TOP2B: variants seen among roughly 807,000 people sequenced by gnomAD.
TOP2B encodes DNA topoisomerase 2-beta.
A neutral mutation model predicts 193.5 loss-of-function variants in TOP2B; 51 were observed. The ratio of observed to expected loss-of-function variants is 0.26; its 90% CI spans 0.21 to 0.33. The LOEUF is 0.33. Ranked by LOEUF, TOP2B falls within the 10% of genes least tolerant of loss-of-function variation. The probability of loss-of-function intolerance (pLI) is 1.00; values close to 1 mark genes in which losing one functional copy is unlikely to be tolerated. For synonymous variants in TOP2B, 634 were observed against 635.7 expected (o/e 1.00, Z 0.04); for missense variants, 1,378 against 1,909.3 (o/e 0.72, Z 5.19).
At chr3:25,612,954 A>C (rs1702414824) in intron 27 of TOP2B, among the ~76,000 whole-genome samples, 1 of 152,192 alleles carries the variant, frequency 6.6e-6, no homozygotes, top group Admixed American at 6.5e-5. Flanking sequence ...ATAGTGACTA[A>C]ATGACCTGAG....
Position 25,607,365 on chromosome 3 carries a change from A to C in TOP2B, c.4104T>G (p.Pro1368=). Residue 1368 remains proline (P), a synonymous_variant, in exon 31 of 36, where the codon CCT becomes CCG. Coordinates refer to ENST00000264331, the MANE Select transcript of TOP2B (RefSeq NM_001330700.2). ...CTTCTGAGAAATCAAATGTGTATTT[A>C]GGTCTTTCGGCTAGGAGGAAAAATA... ...SLLRRAAAER[P]KYTFDFSEEE... is the part of the protein sequence containing the mutation. The C allele has an allele frequency of 6.4e-7, 1 of 1,550,834 alleles. No individual in the cohort carries two copies. Among genetic ancestry groups the C allele is most frequent in the Non-Finnish European group, 8.7e-7 (1 of 1,146,590 alleles).
chr3:25,624,277 T>G lies in TOP2B; in HGVS notation c.2495+20A>C. The G allele has an allele frequency of 6.2e-7, 1 of 1,613,050 alleles. No individual in the cohort carries two copies. The highest frequency in any genetic ancestry group is 8.5e-7 in the Non-Finnish European group (1 of 1,179,352). On this transcript the variant is annotated intron_variant, in intron 20 of 35. Coordinates refer to ENST00000264331, the MANE Select transcript of TOP2B (RefSeq NM_001330700.2). ...CCAAATCAAATCAAACTTTATACCA[T>G]TATATCAGCAAATATTTACCTTAAC...
At chr3:25,621,814 C>A (rs923482909) in intron 21 of TOP2B, among the ~76,000 whole-genome samples, 2 of 151,982 alleles carry the variant, frequency 1.3e-5, no homozygotes, top group African/African-American at 4.8e-5. Context: ...CACAGTGAAA[C>A]CCCGTCTCTA....
At position 25,635,877 on chromosome 3, in the gene TOP2B, C is replaced by A; in HGVS notation, c.852+59G>T. 5 of 1,437,680 alleles carry A rather than the reference C, an allele frequency of 3.5e-6. No homozygotes were observed. In the South Asian group the frequency reaches 6.3e-5, roughly 18 times the overall value. 89.1% of individuals were successfully genotyped at this position (1,437,680 alleles called of 1,614,324 possible). ...CAGATGAGCTTTAAAAAAGGAAGAC[C>A]CAACAATATTCTCTCTATAAAATAA... On this transcript the variant is annotated intron_variant, in intron 7 of 35. Transcript: ENST00000264331.
At chr3:25,645,991 G>C (rs899476915) in intron 1 of TOP2B, among the ~76,000 whole-genome samples, 1 of 148,980 alleles carries the variant, frequency 6.7e-6, no homozygotes, top group African/African-American at 2.5e-5. Context: ...GGCTGGTCTC[G>C]AACTTCTGAC....
In TOP2B at chr3:25,604,748, A is replaced by G. The variant is rs1205844979; in HGVS notation, c.4489+12T>C. On this transcript the variant is annotated intron_variant, in intron 33 of 35. Coordinates refer to ENST00000264331, the MANE Select transcript of TOP2B (RefSeq NM_001330700.2). ...TATCCAATGCTTAACTCAATCAAAT[A>G]TAAGTACATACCCTTTTTAGCAGCT... 1.9e-6 allele frequency: 3 copies of G among 1,580,444 alleles called. No homozygotes were observed. The highest frequency in any genetic ancestry group is 2.7e-5 in the African/African-American group (2 of 74,146).
intron 34 of TOP2B, among the ~76,000 whole-genome samples, chr3:25,600,279 T>C (rs569391381): frequency 1.3e-5 from 2 of 152,340 alleles, no homozygotes; most frequent in Admixed American, 6.5e-5. Flanking sequence ...TTTTATATCT[T>C]TAAAATCCCT....
In TOP2B at chr3:25,606,030, TA is replaced by T; in HGVS notation, c.4378+12del. ...ATAATACAATAACCAATGAAAAGAC[TA>T]AATGAACATACCATCTTCTGACTTC... On this transcript the variant is annotated intron_variant, in intron 32 of 35. Transcript: ENST00000264331. The T allele has an allele frequency of 7.1e-7, 1 of 1,416,042 alleles. No individual in the cohort carries two copies. 87.7% of individuals were successfully genotyped at this position (1,416,042 alleles called of 1,614,324 possible).
chr3:25,635,894 A>G, intron 7 of TOP2B, 42 bp downstream of exon 7: 1 of 1,541,152 alleles, frequency 6.5e-7, no homozygotes, highest in South Asian at 1.2e-5. Context: ...TATTCTCTCT[A>G]TAAAATAACA....
Position 25,607,218 on chromosome 3 carries a change from AT to A in TOP2B, c.4250del (p.Asp1417ValfsTer65). On this transcript the variant is annotated frameshift_variant, in exon 31 of 36. Coordinates refer to ENST00000264331, the MANE Select transcript of TOP2B (RefSeq NM_001330700.2). LOFTEE classifies it high-confidence loss of function. ...EDEFVPSDGLDKDEYTFSPGK... is the reference protein window; with the variant it reads ...EDEFVPSDGLXKDEYTFSPGK... ...CTGGTGAAAATGTATATTCATCTTT[AT>A]CTAACCCATCTGAAGGAACAAATTC... is the stretch of plus-strand genomic sequence containing the variant. The A allele has an allele frequency of 6.2e-7, 1 of 1,611,506 alleles. No homozygotes were observed. The highest frequency in any genetic ancestry group is 1.1e-5 in the South Asian group (1 of 90,658).
chr3:25,609,456 T>A, intron 29 of TOP2B, 112 bp from the exon 30 acceptor site: 3 of 1,464,558 alleles, frequency 2.0e-6, no homozygotes, highest in African/African-American at 1.4e-5. Flanking sequence ...TTTATGAAAA[T>A]TGAAGGCATT....
intron 1 of TOP2B, among the ~76,000 whole-genome samples, chr3:25,662,856 G>A (rs1294739341): frequency 6.6e-6 from 1 of 152,146 alleles, no homozygotes; most frequent in East Asian, 1.9e-4. Flanking sequence ...GGCTGTCTAA[G>A]TCAATTTTCC....
chr3:25,627,433 C>G, intron 15 of TOP2B, 137 bp from the exon 16 acceptor site: 1 of 470,632 alleles, frequency 2.1e-6, no homozygotes, highest in South Asian at 4.6e-5. Context: ...TCTTAATAAG[C>G]AACTAAAGAC....
Position 25,612,675 on chromosome 3 carries a change from G to A in TOP2B, c.3626C>T (p.Ala1209Val), listed in dbSNP as rs202045855. ...TTTAATTGCTTTTCCAGACATTCCA[G>A]CCAGAACATCTTCTCGTTCTTGAGA... ...VESQEREDVL[A>V]GMSGKAIKGK... Residue 1209 changes from alanine (A) to valine (V), a missense_variant, in exon 28 of 36, where the codon GCT becomes GTT. Transcript: ENST00000264331. 734 of 1,613,516 alleles carry A rather than the reference G, an allele frequency of 4.5e-4. 1 individual carries two copies. The highest frequency in any genetic ancestry group is 5.7e-4 in the Non-Finnish European group (674 of 1,179,642).
intron 33 of TOP2B, among the ~76,000 whole-genome samples, chr3:25,603,313 A>C (rs559894114): frequency 1.3e-5 from 2 of 152,224 alleles, no homozygotes; most frequent in East Asian, 3.9e-4. Flanking sequence ...ATCTCAGCTC[A>C]CTGCAACCTC....
intron 15 of TOP2B, 34 bp from the exon 16 acceptor site, chr3:25,627,330 A>G (rs755199061): frequency 1.5e-6 from 2 of 1,376,528 alleles, no homozygotes; most frequent in Non-Finnish European, 2.0e-6. Context: ...TGAGTCATGA[A>G]TATCAATGTC....
At chr3:25,648,376 G>A (rs1437472828) in intron 1 of TOP2B, among the ~76,000 whole-genome samples, 1 of 152,090 alleles carries the variant, frequency 6.6e-6, no homozygotes, top group Admixed American at 6.5e-5. Flanking sequence ...ACCCAAAGAG[G>A]ATGCATCCCC....
rs1381669519 is a variant in TOP2B at position 25,615,266 on chromosome 3, T to C, written c.3530A>G (p.Lys1177Arg). 2 of 1,612,586 alleles carry C rather than the reference T, an allele frequency of 1.2e-6. No individual in the cohort carries two copies. Among genetic ancestry groups the C allele is most frequent in the Non-Finnish European group, 1.7e-6 (2 of 1,179,076 alleles). The change falls in exon 27 of 36, where the codon AAA (lysine) becomes AGA (arginine). Residue 1177 changes from lysine to arginine, a missense_variant. Lys to Arg is a conservative substitution (Grantham distance 26). Transcript: ENST00000264331. ...DAKGREVNDL[K>R]RKSPSDLWKE... ...CCAAAGATCTGAAGGAGATTTTCTT[T>C]TAAGATCATTGACCTCTCGCCCCTA... is the stretch of plus-strand genomic sequence containing the variant.
chr3:25,606,074 T>G lies in TOP2B; in HGVS notation c.4347A>C (p.Ser1449=). ...CTGACTTCTGAGAATATGAAGGAAA[T>G]GAGAAGAGATTTCCAAAATCCTGAC... ...KKSQDFGNLF[S]FPSYSQKSED... is the part of the protein sequence containing the mutation. The change falls in exon 32 of 36, where the codon TCA becomes TCC. Residue 1449 remains serine (S), a synonymous_variant. Transcript: ENST00000264331. 1 of 1,506,886 alleles carries G rather than the reference T, an allele frequency of 6.6e-7. No homozygotes were observed. Among genetic ancestry groups the G allele is most frequent in the Non-Finnish European group, 8.9e-7 (1 of 1,119,800 alleles). The allele number at this position is 1,506,886 out of a possible 1,614,324, so 93.3% of individuals were successfully genotyped here.
Sources: gnomAD v4.1 joint callset for allele counts (sites outside exome capture counted in the v4.1 genomes callset) on GRCh38, gnomAD v4.1.1 for gene constraint, MANE v1.5 for transcripts, NCBI Gene and HGNC (gene_info 2026-07-23, HGNC 2026-07-21) for gene names.